The following NAPB variants were observed in gnomAD, a reference collection of about 807,000 sequenced individuals.
NAPB encodes the protein NSF attachment protein beta, also known as beta-soluble NSF attachment protein.
Under a neutral mutation model 44.7 loss-of-function variants are expected in NAPB, and 26 were observed. The observed-to-expected ratio is 0.58, with a 90% CI of 0.43 to 0.81. The LOEUF (loss-of-function observed/expected upper bound fraction) is 0.81, where lower values mean the gene tolerates loss of function less well. Ranked by LOEUF, NAPB falls within the 30% of genes least tolerant of loss-of-function variation. NAPB has a pLI of 0.00. For synonymous variants in NAPB, 120 were observed against 116.8 expected, an observed-to-expected ratio of 1.03 and a Z score of -0.18; for missense variants, 315 against 356.4, an observed-to-expected ratio of 0.88 and a Z score of 0.94.
intron 2 of NAPB, 38 bp from the exon 3 acceptor site, chr20:23,397,226 T>G: frequency 1.3e-6 from 2 of 1,584,192 alleles, no homozygotes; most frequent in Non-Finnish European, 1.7e-6. Context: ...GAGGAACAAG[T>G]CCCCCCCAGA....
intron 2 of NAPB, among the ~76,000 whole-genome samples, chr20:23,397,407 G>C (rs959638688): frequency 2.0e-5 from 3 of 152,210 alleles, no homozygotes; most frequent in African/African-American, 7.2e-5. Context: ...AGCTCCAGCA[G>C]ACTTTCCAAG....
At chr20:23,378,643 T>C (rs1047481959) in intron 10 of NAPB, among the ~76,000 whole-genome samples, 7 of 150,208 alleles carry the variant, frequency 4.7e-5, no homozygotes, top group Non-Finnish European at 1.0e-4. Flanking sequence ...TGTTTTGCCA[T>C]GTTGGCCAAG....
intron 1 of NAPB, among the ~76,000 whole-genome samples, chr20:23,412,454 T>A (rs1985718083): frequency 6.6e-6 from 1 of 152,146 alleles, no homozygotes; most frequent in South Asian, 2.1e-4. Flanking sequence ...ATAAAGAAGT[T>A]CACTTCATAA....
intron 2 of NAPB, among the ~76,000 whole-genome samples, chr20:23,399,289 T>A (rs1463471716): frequency 2.0e-5 from 3 of 152,088 alleles, no homozygotes; most frequent in Non-Finnish European, 4.4e-5. Flanking sequence ...TTTGACAGTA[T>A]TAAGAGGTGG....
Position 23,388,945 on chromosome 20 carries a change from A to G in NAPB, c.561+1001T>C, listed in dbSNP as rs138453826. Among the ~76,000 whole-genome samples, 293 of 152,304 alleles carry G rather than the reference A, an allele frequency of 1.9e-3. 1 individual carries two copies. The Middle Eastern group carries it at 0.02, about 11-fold the overall frequency. On this transcript the variant is annotated intron_variant, in intron 7 of 10. Transcript: ENST00000377026. ...GACTTCAGTGAATCAAAGGACATTA[A>G]TAACAGAGTCCAGAGACAACCCACA...
intron 1 of NAPB, among the ~76,000 whole-genome samples, chr20:23,414,695 T>C (rs1600602627): frequency 6.6e-6 from 1 of 152,336 alleles, no homozygotes; most frequent in Non-Finnish European, 1.5e-5. Context: ...TTCCTTACTG[T>C]GAACTTTATT....
chr20:23,393,197 C>T (rs1201511955), intron 5 of NAPB, among the ~76,000 whole-genome samples: 1 of 152,174 alleles, frequency 6.6e-6, no homozygotes, highest in Non-Finnish European at 1.5e-5. Flanking sequence ...CACCTGCCTC[C>T]AGGATCCACA....
At chr20:23,406,186 T>C (rs1407457120) in intron 1 of NAPB, among the ~76,000 whole-genome samples, 1 of 152,182 alleles carries the variant, frequency 6.6e-6, no homozygotes, top group Admixed American at 6.5e-5. Flanking sequence ...CCCCAAAAAC[T>C]GTGAGAAATA....
chr20:23,387,773 T>C (rs1471792506), intron 7 of NAPB, among the ~76,000 whole-genome samples: 1 of 152,218 alleles, frequency 6.6e-6, no homozygotes, highest in East Asian at 1.9e-4. Flanking sequence ...CCTGTATTCA[T>C]CGACTGTCAG....
chr20:23,397,332 G>T, intron 2 of NAPB, 144 bp from the exon 3 acceptor site: 1 of 919,044 alleles, frequency 1.1e-6, no homozygotes, highest in Non-Finnish European at 1.5e-6. Flanking sequence ...GTGGTCCAGT[G>T]CACCTCGGGC....
chr20:23,406,728 G>A (rs776262153), intron 1 of NAPB, among the ~76,000 whole-genome samples: 4 of 152,042 alleles, frequency 2.6e-5, no homozygotes, highest in Admixed American at 1.3e-4. Context: ...CTCCCTTGGC[G>A]TAAAGTCTTG....
chr20:23,401,435 T>C (rs1347615095), intron 2 of NAPB, among the ~76,000 whole-genome samples: 1 of 152,086 alleles, frequency 6.6e-6, no homozygotes, highest in Non-Finnish European at 1.5e-5. Flanking sequence ...AGTGCAGCAG[T>C]ATGACAATGT....
chr20:23,414,946 A>AT (rs1985900416), intron 1 of NAPB, among the ~76,000 whole-genome samples: 1 of 150,754 alleles, frequency 6.6e-6, no homozygotes, highest in Non-Finnish European at 1.5e-5. Context: ...TATTAAAAAA[A>AT]TTTTAAGTAT....
intron 7 of NAPB, among the ~76,000 whole-genome samples, chr20:23,387,640 C>T (rs570349146): frequency 1.8e-4 from 27 of 150,882 alleles, no homozygotes; most frequent in African/African-American, 4.9e-4. Flanking sequence ...TTTGTAGTAG[C>T]GTCAAAAAAA....
intron 1 of NAPB, among the ~76,000 whole-genome samples, chr20:23,418,928 C>G (rs1459794638): frequency 6.6e-6 from 1 of 151,876 alleles, no homozygotes; most frequent in Non-Finnish European, 1.5e-5. Context: ...GCCCGGGTGA[C>G]AGTGTGAGAC....
intron 1 of NAPB, among the ~76,000 whole-genome samples, chr20:23,406,245 A>T (rs1985247729): frequency 6.6e-6 from 1 of 152,188 alleles, no homozygotes; most frequent in Non-Finnish European, 1.5e-5. Context: ...GTGTTACAGC[A>T]GCGCAAAGCA....
chr20:23,417,424 G>A (rs902205084), intron 1 of NAPB, among the ~76,000 whole-genome samples: 1 of 152,176 alleles, frequency 6.6e-6, no homozygotes, highest in African/African-American at 2.4e-5. Flanking sequence ...TGTGCATTGT[G>A]CAGGTTATTC....
chr20:23,387,751 A>G (rs1275851949), intron 7 of NAPB, among the ~76,000 whole-genome samples: 1 of 152,220 alleles, frequency 6.6e-6, no homozygotes, highest in Non-Finnish European at 1.5e-5. Flanking sequence ...ATCCAAATAA[A>G]TATAAAAGGA....
intron 1 of NAPB, among the ~76,000 whole-genome samples, chr20:23,421,037 G>C (rs964381074): frequency 6.6e-6 from 1 of 151,296 alleles, no homozygotes; most frequent in Non-Finnish European, 1.5e-5. Context: ...GAGCCCCTGG[G>C]AGGATGCGGG....
Sources: allele counts gnomAD v4.1 joint callset (sites outside exome capture counted in the v4.1 genomes callset), GRCh38; gene constraint gnomAD v4.1.1; transcripts MANE v1.5; gene names NCBI Gene and HGNC (gene_info 2026-07-23, HGNC 2026-07-21).